LAMA3: variants seen among roughly 807,000 people sequenced by gnomAD.
LAMA3 encodes the protein laminin subunit alpha-3.
In LAMA3, 281 loss-of-function variants were observed where a neutral mutation model predicts 402.0. The ratio of observed to expected loss-of-function variants is 0.70; its 90% CI spans 0.63 to 0.77. LAMA3 has a LOEUF of 0.77. Ranked by LOEUF, LAMA3 falls within the 30% of genes least tolerant of loss-of-function variation. LAMA3 has a pLI of 0.00. For missense variants in LAMA3, 3,840 were observed against 4,215.5 expected (o/e 0.91, Z 2.47); for synonymous variants, 1,431 against 1,558.4 (o/e 0.92, Z 1.93).
chr18:23,904,711 G>A lies in LAMA3; in HGVS notation c.6615+17G>A. The A allele has an allele frequency of 1.9e-6, 3 of 1,613,524 alleles. No individual in the cohort carries two copies. Among genetic ancestry groups the A allele is most frequent in the Non-Finnish European group, 2.5e-6 (3 of 1,179,692 alleles). On this transcript the variant is annotated intron_variant, in intron 51 of 74. Transcript: ENST00000313654. ...GCCCTCCAGGTGGGCACCTGTACCAGCAGCTTCTCCACATTCGCTGTGGAG... is the reference window on the plus strand; with the variant it reads ...GCCCTCCAGGTGGGCACCTGTACCAACAGCTTCTCCACATTCGCTGTGGAG...
chr18:23,777,766 A>T (rs533460905), intron 11 of LAMA3, 147 bp downstream of exon 11: 2 of 716,446 alleles, frequency 2.8e-6, no homozygotes, highest in Non-Finnish European at 5.2e-6. Flanking sequence ...TAGTTGACCT[A>T]CTCCCCACCC....
chr18:23,808,643 C>T, intron 12 of LAMA3, among the ~76,000 whole-genome samples: 1 of 152,132 alleles, frequency 6.6e-6, no homozygotes, highest in Non-Finnish European at 1.5e-5. Flanking sequence ...GTTGAAACTC[C>T]CAGGTAATTT....
intron 38 of LAMA3, chr18:23,873,168 G>T (rs1180143063): frequency 1.2e-6 from 2 of 1,614,218 alleles, no homozygotes; most frequent in Non-Finnish European, 1.7e-6. Flanking sequence ...TCAGCCTCCC[G>T]GTCAAAGTCA....
At position 23,861,734 on chromosome 18, in the gene LAMA3, CG is replaced by C; in HGVS notation, c.4513del (p.Asp1505IlefsTer102). On this transcript the variant is annotated frameshift_variant, in exon 35 of 75. Coordinates refer to ENST00000313654, the MANE Select transcript of LAMA3 (RefSeq NM_198129.4). LOFTEE classifies it high-confidence loss of function. The part of the protein sequence containing the change: ...SFNPGSNSMV[A>X]DLQELPATIH... ...AACCCAGGCAGCAACAGTATGGTGG[CG>C]GATCTCCAGGAGCTGCCCGCAACCA... 1 of 1,613,976 alleles carries C rather than the reference CG, an allele frequency of 6.2e-7. No individual in the cohort carries two copies. Among genetic ancestry groups the C allele is most frequent in the East Asian group, 2.2e-5 (1 of 44,874 alleles).
rs2081569357 is a variant in LAMA3, at chr18:23,915,145, A to C, written c.7645-144A>C. 3.2e-6 allele frequency: 3 copies of C among 946,298 alleles called. No homozygotes were observed. In the South Asian group the frequency reaches 4.4e-5, roughly 14 times the overall value. The allele number at this position is 946,298 out of a possible 1,614,324, so 58.6% of individuals were successfully genotyped here. A position where few individuals can be genotyped will look rare whatever the true frequency, so the allele number is the denominator to read the frequency against. On this transcript the variant is annotated intron_variant, in intron 58 of 74. Coordinates refer to ENST00000313654, the MANE Select transcript of LAMA3 (RefSeq NM_198129.4). The stretch of plus-strand genomic sequence containing the variant: ...TTGCCCACAGTCATACAGCTAGTAA[A>C]TAGCAAAGCCAGGGCATCTTGTTCC...
intron 32 of LAMA3, among the ~76,000 whole-genome samples, chr18:23,855,670 T>C (rs1022264288): frequency 1.3e-4 from 20 of 152,172 alleles, no homozygotes; most frequent in Admixed American, 8.5e-4. Flanking sequence ...TCTGAGAATA[T>C]GGCCCATAGT....
chr18:23,764,726 T>C (rs2062040496), intron 8 of LAMA3, among the ~76,000 whole-genome samples: 1 of 152,188 alleles, frequency 6.6e-6, no homozygotes, highest in Non-Finnish European at 1.5e-5. Context: ...TTAAAATGTT[T>C]ATTGTGGTAA....
At chr18:23,904,323 C>T (rs1268884985) in intron 50 of LAMA3, among the ~76,000 whole-genome samples, 1 of 152,114 alleles carries the variant, frequency 6.6e-6, no homozygotes, top group Non-Finnish European at 1.5e-5. Flanking sequence ...CAGGTATCCA[C>T]TTACCAAATG....
chr18:23,933,981 T>G lies in LAMA3; in HGVS notation c.8862+46T>G, dbSNP rs368432984. The G allele has an allele frequency of 3.3e-5, 52 of 1,591,670 alleles. No homozygotes were observed. The African/African-American group carries it at 6.8e-4, about 21-fold the overall frequency. On this transcript the variant is annotated intron_variant, in intron 67 of 74. Transcript: ENST00000313654. Reference sequence around the variant, plus strand: ...CTGGGTTTCCCTCTTCCCTGGAGGATTCCCCTGAGCCTGCCTTGTGGGAGA... The same window carrying G: ...CTGGGTTTCCCTCTTCCCTGGAGGAGTCCCCTGAGCCTGCCTTGTGGGAGA...
At chr18:23,830,325 C>T (rs567897997) in intron 23 of LAMA3, among the ~76,000 whole-genome samples, 2 of 152,260 alleles carry the variant, frequency 1.3e-5, no homozygotes, top group East Asian at 1.9e-4. Context: ...TCTCCCTCAG[C>T]TCAGCCACTA....
At chr18:23,759,299 C>G (rs1189224554) in intron 7 of LAMA3, among the ~76,000 whole-genome samples, 1 of 142,670 alleles carries the variant, frequency 7.0e-6, no homozygotes, top group Non-Finnish European at 1.5e-5. Flanking sequence ...TGCCACTGCA[C>G]TCCAGCCTGG....
At chr18:23,817,233 A>T (rs1401392086) in intron 18 of LAMA3, among the ~76,000 whole-genome samples, 4 of 152,216 alleles carry the variant, frequency 2.6e-5, no homozygotes, top group Admixed American at 2.0e-4. Flanking sequence ...CTCTTAAGCC[A>T]TTATATTTTA....
intron 56 of LAMA3, among the ~76,000 whole-genome samples, chr18:23,913,926 G>A (rs17203003): frequency 0.2 from 30,671 of 152,128 alleles, 3,829 homozygotes; most frequent in Non-Finnish European, 0.27. Context: ...ATATTATGCC[G>A]TGATTTTAAA....
intron 25 of LAMA3, among the ~76,000 whole-genome samples, chr18:23,837,960 C>A (rs1308226220): frequency 6.6e-6 from 1 of 152,156 alleles, no homozygotes; most frequent in African/African-American, 2.4e-5. Flanking sequence ...CTTCTTAAAA[C>A]ATAACAATCT....
intron 37 of LAMA3, 78 bp downstream of exon 37, chr18:23,867,995 T>A: frequency 9.0e-7 from 1 of 1,116,294 alleles, no homozygotes; most frequent in South Asian, 1.2e-5. Context: ...TTTTTACTCA[T>A]TTTAAGAATT....
intron 1 of LAMA3, among the ~76,000 whole-genome samples, chr18:23,695,833 A>AAAAAAAAG (rs2060676036): frequency 7.7e-6 from 1 of 129,428 alleles, no homozygotes; most frequent in African/African-American, 2.7e-5. Flanking sequence ...AAAAAAAAAA[A>AAAAAAAAG]AAAGAAATAT....
chr18:23,707,740 A>C (rs1183124244), intron 1 of LAMA3, among the ~76,000 whole-genome samples: 2 of 152,022 alleles, frequency 1.3e-5, no homozygotes. Context: ...GGCTCAAGGA[A>C]ACAAAATTCT....
intron 1 of LAMA3, among the ~76,000 whole-genome samples, chr18:23,692,071 G>T (rs190004838): frequency 6.6e-6 from 1 of 152,112 alleles, no homozygotes; most frequent in Non-Finnish European, 1.5e-5. Flanking sequence ...AGTAAGCGAG[G>T]GGCCCTTCGA....
At position 23,932,269 on chromosome 18, in the gene LAMA3, A is replaced by T; in HGVS notation, c.8686A>T (p.Ile2896Phe). 1 of 1,614,044 alleles carries T rather than the reference A, an allele frequency of 6.2e-7. No homozygotes were observed. The highest frequency in any genetic ancestry group is 8.5e-7 in the Non-Finnish European group (1 of 1,179,914). Reference sequence around the variant, plus strand: ...GGGCGGGAGCAATTTTGAGGGTTGTATTAGCAATGTTTTTGTCCAGAGGTA... The same window carrying T: ...GGGCGGGAGCAATTTTGAGGGTTGTTTTAGCAATGTTTTTGTCCAGAGGTA... Reference protein sequence around the residue: ...RLGGSNFEGCISNVFVQRLSL... With the variant: ...RLGGSNFEGCFSNVFVQRLSL... The change falls in exon 66 of 75, where the codon ATT (isoleucine) becomes TTT (phenylalanine). Residue 2896 changes from isoleucine (I) to phenylalanine (F), a missense_variant. Physicochemically the swap from Ile to Phe is conservative, Grantham distance 21. Around this residue, in one of 3 missense-constraint regions of LAMA3, gnomAD observed 840 missense variants for 981.9 expected, o/e 0.86. Transcript: ENST00000313654.
Sources: gnomAD v4.1 joint callset for allele counts (sites outside exome capture counted in the v4.1 genomes callset) on GRCh38, gnomAD v4.1.1 for gene constraint, gnomAD v4.1.1 regional missense constraint, MANE v1.5 for transcripts, NCBI Gene and HGNC (gene_info 2026-07-23, HGNC 2026-07-21) for gene names.